ENTHD1: variants seen among roughly 807,000 people sequenced by gnomAD.
ENTHD1 encodes the protein ENTH domain-containing protein 1.
ENTHD1 carries 23 observed loss-of-function variants against 39.1 expected under a neutral mutation model. The ratio of observed to expected loss-of-function variants is 0.59; its 90% confidence interval spans 0.42 to 0.83. ENTHD1 has a LOEUF of 0.83. ENTHD1 is among the 40% of genes least tolerant of loss of function. The pLI is 0.00. For synonymous variants in ENTHD1, 230 were observed against 258.2 expected (o/e 0.89, Z 1.05); for missense variants, 624 against 705.4 (o/e 0.88, Z 1.31).
At chr22:39,869,210 A>G (rs2066216316) in intron 2 of ENTHD1, among the ~76,000 whole-genome samples, 1 of 152,208 alleles carries the variant, frequency 6.6e-6, no homozygotes, top group Non-Finnish European at 1.5e-5. Flanking sequence ...ACGTGGAATC[A>G]ATCTAGGTGC....
rs369565366 is a variant in ENTHD1 at position 39,755,226 on chromosome 22, A to G, written c.1219+9997T>C. On this transcript the variant is annotated intron_variant, in intron 6 of 6. Transcript: ENST00000325157. ...TGATGAGGATAATTATAGGGTACTA[A>G]GATAGCATATGGTTAGGGGGATTTG... Among the ~76,000 whole-genome samples the G allele has an allele frequency of 8.9e-4, 136 of 152,318 alleles. No individual in the cohort carries two copies. The South Asian group carries it at 0.028, about 31-fold the overall frequency.
intron 3 of ENTHD1, among the ~76,000 whole-genome samples, chr22:39,839,264 A>G (rs914259427): frequency 1.3e-5 from 2 of 152,322 alleles, no homozygotes; most frequent in Admixed American, 1.3e-4. Context: ...GACTAGGTAT[A>G]TAAGTCTAAC....
At chr22:39,841,745 T>A (rs1464514651) in intron 3 of ENTHD1, among the ~76,000 whole-genome samples, 2 of 151,792 alleles carry the variant, frequency 1.3e-5, no homozygotes, top group East Asian at 3.9e-4. Flanking sequence ...CATTTAAAGT[T>A]AATATTGTTA....
At chr22:39,845,678 A>G (rs778571595) in intron 3 of ENTHD1, among the ~76,000 whole-genome samples, 5 of 152,244 alleles carry the variant, frequency 3.3e-5, no homozygotes, top group Non-Finnish European at 5.9e-5. Flanking sequence ...TTGTCACTAC[A>G]TAATACAAAG....
intron 6 of ENTHD1, among the ~76,000 whole-genome samples, chr22:39,762,092 C>T (rs1270939868): frequency 3.3e-5 from 5 of 152,178 alleles, no homozygotes; most frequent in Non-Finnish European, 5.9e-5. Context: ...GATAACTTGC[C>T]TGGCCTTTTC....
At chr22:39,767,924 G>A (rs747513689) in intron 5 of ENTHD1, among the ~76,000 whole-genome samples, 5 of 152,250 alleles carry the variant, frequency 3.3e-5, no homozygotes, top group South Asian at 4.1e-4. Flanking sequence ...CCAATAGCCC[G>A]GGAAGAATAG....
intron 5 of ENTHD1, 29 bp from the exon 6 acceptor site, chr22:39,765,638 C>CA: frequency 1.9e-6 from 3 of 1,544,348 alleles, no homozygotes; most frequent in South Asian, 2.5e-5. Flanking sequence ...GAGCTATAAT[C>CA]AAAAAATAAA....
At chr22:39,807,888 CGTGTGT>C (rs375190088) in intron 5 of ENTHD1, among the ~76,000 whole-genome samples, 6 of 145,918 alleles carry the variant, frequency 4.1e-5, no homozygotes, top group Admixed American at 6.9e-5. Flanking sequence ...TATATACGTA[CGTGTGT>C]GTGTGTGTGT....
At chr22:39,799,955 G>T (rs931096438) in intron 5 of ENTHD1, among the ~76,000 whole-genome samples, 5 of 152,158 alleles carry the variant, frequency 3.3e-5, no homozygotes, top group Non-Finnish European at 5.9e-5. Context: ...TAGTCTGGTG[G>T]GGGCTGGGCT....
At position 39,795,586 on chromosome 22, in the gene ENTHD1, C is replaced by G. The variant is rs147126522; in HGVS notation, c.832+25407G>C. Among the ~76,000 whole-genome samples the G allele has an allele frequency of 1.5e-3, 212 of 145,462 alleles. 3 individuals are homozygous for G. In the East Asian group the frequency reaches 0.025, roughly 17 times the overall value. ...GGGACCACAGGCACATGCCACCATG[C>G]CTGGCTAATTTTTTTTTTTTTTTTA... On this transcript the variant is annotated intron_variant, in intron 5 of 6. Coordinates refer to ENST00000325157, the MANE Select transcript of ENTHD1 (RefSeq NM_152512.4).
chr22:39,833,581 TA>T (rs988386599), intron 4 of ENTHD1, among the ~76,000 whole-genome samples: 1 of 152,000 alleles, frequency 6.6e-6, no homozygotes, highest in African/African-American at 2.4e-5. Context: ...AGATGATATT[TA>T]AAATTGAATG....
intron 3 of ENTHD1, among the ~76,000 whole-genome samples, chr22:39,836,915 T>C (rs1217762945): frequency 6.6e-6 from 1 of 152,218 alleles, no homozygotes; most frequent in Non-Finnish European, 1.5e-5. Context: ...TCAGCCATGC[T>C]TCCTGTACAG....
At chr22:39,751,918 T>G (rs2065150343) in intron 6 of ENTHD1, among the ~76,000 whole-genome samples, 1 of 152,198 alleles carries the variant, frequency 6.6e-6, no homozygotes, top group Non-Finnish European at 1.5e-5. Flanking sequence ...TACTCTGTTC[T>G]TTTGTAGAGT....
chr22:39,865,802 G>A (rs536437269), intron 2 of ENTHD1, among the ~76,000 whole-genome samples: 73 of 152,312 alleles, frequency 4.8e-4, no homozygotes, highest in African/African-American at 1.7e-3. Context: ...CATTTGAACT[G>A]GGTAATGCAA....
At chr22:39,840,268 C>T (rs2065933859) in intron 3 of ENTHD1, among the ~76,000 whole-genome samples, 1 of 152,132 alleles carries the variant, frequency 6.6e-6, no homozygotes, top group Admixed American at 6.5e-5. Context: ...TTGAGTCATT[C>T]AAAGATGAGT....
chr22:39,822,282 A>C (rs2065789081), intron 4 of ENTHD1, among the ~76,000 whole-genome samples: 1 of 151,852 alleles, frequency 6.6e-6, no homozygotes, highest in East Asian at 1.9e-4. Flanking sequence ...AGAGCTCGAT[A>C]ACTTTTATCA....
rs1439428630 is a variant in ENTHD1 at position 39,787,155 on chromosome 22, C to CAGT, written c.833-21549_833-21547dup. 7.2e-5 allele frequency among the ~76,000 whole-genome samples: 11 copies of CAGT among 152,202 alleles called. No individual in the cohort carries two copies. The East Asian group carries it at 2.1e-3, about 29-fold the overall frequency. On this transcript the variant is annotated intron_variant, in intron 5 of 6. Coordinates refer to ENST00000325157, the MANE Select transcript of ENTHD1 (RefSeq NM_152512.4). ...ACCTTAGATTCCTTAGATTTTTCTA[C>CAGT]AGTAATCATTTTGGGGTGCCATGAA...
intron 5 of ENTHD1, among the ~76,000 whole-genome samples, chr22:39,766,702 A>C (rs540210375): frequency 6.6e-6 from 1 of 152,344 alleles, no homozygotes; most frequent in South Asian, 2.1e-4. Flanking sequence ...TGCTATCCTC[A>C]TCACTTTTGG....
At chr22:39,870,644 T>A (rs866248915) in intron 2 of ENTHD1, among the ~76,000 whole-genome samples, 1 of 152,186 alleles carries the variant, frequency 6.6e-6, no homozygotes, top group South Asian at 2.1e-4. Context: ...TTCTTTGGGT[T>A]TATAATAGCA....
Sources: allele counts gnomAD v4.1 joint callset (sites outside exome capture counted in the v4.1 genomes callset), GRCh38; gene constraint gnomAD v4.1.1; transcripts MANE v1.5; gene names NCBI Gene and HGNC (gene_info 2026-07-23, HGNC 2026-07-21).